DCUN1D4: variants seen among roughly 807,000 people sequenced by gnomAD.
DCUN1D4 encodes the protein DCN1-like protein 4.
In DCUN1D4, 22 loss-of-function variants were observed where a neutral mutation model predicts 47.9. The observed-to-expected ratio is 0.46, with a 90% confidence interval of 0.33 to 0.66. DCUN1D4 has a LOEUF of 0.66. Ranked by LOEUF, DCUN1D4 falls within the 30% of genes least tolerant of loss-of-function variation. DCUN1D4 has a pLI of 0.02. For missense variants in DCUN1D4, 301 were observed against 340.8 expected (o/e 0.88, Z 0.92); for synonymous variants, 121 against 112.2 (o/e 1.08, Z -0.50).
chr4:51,871,397 T>G (rs1285682718), intron 3 of DCUN1D4, among the ~76,000 whole-genome samples: 1 of 152,224 alleles, frequency 6.6e-6, no homozygotes, highest in South Asian at 2.1e-4. Flanking sequence ...AAACCAAACG[T>G]TGTACAGTGT....
chr4:51,862,619 T>C (rs1382619131), intron 1 of DCUN1D4, among the ~76,000 whole-genome samples: 1 of 152,208 alleles, frequency 6.6e-6, no homozygotes, highest in Non-Finnish European at 1.5e-5. Flanking sequence ...AATCCTGATA[T>C]TTTGTGAAAA....
intron 1 of DCUN1D4, among the ~76,000 whole-genome samples, chr4:51,855,836 T>A (rs1446013501): frequency 6.6e-6 from 1 of 152,200 alleles, no homozygotes; most frequent in Non-Finnish European, 1.5e-5. Flanking sequence ...CCCTAGTCTA[T>A]CTGAAACCCA....
chr4:51,840,364 T>C (rs903945483), upstream of DCUN1D4, among the ~76,000 whole-genome samples: 1 of 152,212 alleles, frequency 6.6e-6, no homozygotes, highest in Admixed American at 6.5e-5. Flanking sequence ...TTGTATTAGA[T>C]TGGCATAGTA....
intron 6 of DCUN1D4, among the ~76,000 whole-genome samples, chr4:51,887,865 TC>T (rs1429839997): frequency 6.6e-6 from 1 of 152,040 alleles, no homozygotes. Flanking sequence ...GGAATGTCTT[TC>T]ACTTATTACA....
rs1734057160 is a variant in DCUN1D4, at chr4:51,913,909, T to C, written c.*325T>C. On this transcript the variant is annotated 3_prime_UTR_variant, in exon 11 of 11. Transcript: ENST00000334635. ...TCACCTAGAGATTATTTCTGAAAAA[T>C]GTATTGTAAAAATAATTTTGTGGCA... 1.3e-5 allele frequency: 3 copies of C among 236,498 alleles called. No individual in the cohort carries two copies. Among genetic ancestry groups the C allele is most frequent in the Middle Eastern group, 2.9e-3 (2 of 698 alleles). 14.6% of individuals were successfully genotyped at this position (236,498 alleles called of 1,614,324 possible).
chr4:51,842,828 C>T (rs1721810318), upstream of DCUN1D4, among the ~76,000 whole-genome samples: 1 of 152,206 alleles, frequency 6.6e-6, no homozygotes, highest in South Asian at 2.1e-4. Context: ...TCCCGCCCGC[C>T]ACTGGGCGGG....
rs1261725022 is a variant in DCUN1D4 at position 51,916,021 on chromosome 4, T to C, written c.*2437T>C. 6.6e-6 allele frequency: 1 copy of C among 152,120 alleles called. No individual in the cohort carries two copies. The highest frequency in any genetic ancestry group is 1.5e-5 in the Non-Finnish European group (1 of 67,992). The allele number at this position is 152,120 out of a possible 1,614,324, so 9.4% of individuals were successfully genotyped here. On this transcript the variant is annotated 3_prime_UTR_variant, in exon 11 of 11. Coordinates refer to ENST00000334635, the MANE Select transcript of DCUN1D4 (RefSeq NM_001040402.3). Reference sequence around the variant, plus strand: ...AAAGGGGTCAGACAGAGTAATATGATACATTTTCTTAAAAACTTCTCTAAG... The same window carrying C: ...AAAGGGGTCAGACAGAGTAATATGACACATTTTCTTAAAAACTTCTCTAAG...
At chr4:51,835,994 T>G in the DCUN1D4 span, among the ~76,000 whole-genome samples, 1 of 152,090 alleles carries the variant, frequency 6.6e-6, no homozygotes, top group East Asian at 1.9e-4. Context: ...AGCCTGAAAC[T>G]GTTCACTTAA....
chr4:51,861,709 C>T (rs1346613741), intron 1 of DCUN1D4, among the ~76,000 whole-genome samples: 1 of 151,932 alleles, frequency 6.6e-6, no homozygotes, highest in South Asian at 2.1e-4. Flanking sequence ...TTTGGGGGCC[C>T]AAGAGTTTAA....
chr4:51,876,978 C>T (rs2073734358), intron 4 of DCUN1D4, among the ~76,000 whole-genome samples: 1 of 152,022 alleles, frequency 6.6e-6, no homozygotes, highest in African/African-American at 2.4e-5. Flanking sequence ...AAAGCTATTG[C>T]CTCCTCTTCC....
chr4:51,846,010 G>A (rs1180662305), intron 1 of DCUN1D4, among the ~76,000 whole-genome samples: 3 of 152,164 alleles, frequency 2.0e-5, no homozygotes, highest in South Asian at 2.1e-4. Context: ...AAAGTGATGA[G>A]GTTGAAAAAC....
At chr4:51,895,700 T>C (rs1018867741) in intron 7 of DCUN1D4, among the ~76,000 whole-genome samples, 2 of 152,008 alleles carry the variant, frequency 1.3e-5, no homozygotes, top group African/African-American at 4.8e-5. Flanking sequence ...TCTGATTTTA[T>C]AAACTTCGAT....
the DCUN1D4 span, among the ~76,000 whole-genome samples, chr4:51,835,075 A>G: frequency 6.2e-5 from 9 of 145,840 alleles, no homozygotes; most frequent in African/African-American, 2.2e-4. Flanking sequence ...TGATGCTAGG[A>G]AAAAAAGCAC....
At position 51,891,749 on chromosome 4, in the gene DCUN1D4, T is replaced by A. The variant is rs1245809262; in HGVS notation, c.415-11T>A. 5 of 1,590,672 alleles carry A rather than the reference T, an allele frequency of 3.1e-6. No homozygotes were observed. The African/African-American group carries it at 6.8e-5, about 22-fold the overall frequency. On this transcript the variant is annotated splice_polypyrimidine_tract_variant and intron_variant, in intron 6 of 10. Transcript: ENST00000334635. Reference sequence around the variant, plus strand: ...TATATTTTTTTTTAATTGTGTATTTTTTTTTAACAGGTAGTTATGCTTGTC... The same window carrying A: ...TATATTTTTTTTTAATTGTGTATTTATTTTTAACAGGTAGTTATGCTTGTC...
rs769864390 is a variant in DCUN1D4, at chr4:51,905,641, A to T, written c.616-5429A>T. Among the ~76,000 whole-genome samples, 4 of 152,192 alleles carry T rather than the reference A, an allele frequency of 2.6e-5. No individual in the cohort carries two copies. In the South Asian group the frequency reaches 8.3e-4, roughly 32 times the overall value. ...TAAAATGCTATATAATTTTTCATTG[A>T]TCTGAGACTAGTTATAAATATCAGT... On this transcript the variant is annotated intron_variant, in intron 8 of 10. Coordinates refer to ENST00000334635, the MANE Select transcript of DCUN1D4 (RefSeq NM_001040402.3).
intron 1 of DCUN1D4, among the ~76,000 whole-genome samples, chr4:51,851,712 A>G (rs1723401034): frequency 6.6e-6 from 1 of 152,144 alleles, no homozygotes; most frequent in South Asian, 2.1e-4. Context: ...ACTAACACGA[A>G]TTCAGTGATG....
At chr4:51,857,563 A>T (rs1245632552) in intron 1 of DCUN1D4, among the ~76,000 whole-genome samples, 1 of 152,154 alleles carries the variant, frequency 6.6e-6, no homozygotes, top group Non-Finnish European at 1.5e-5. Flanking sequence ...GCACAGCTTG[A>T]TGTGGGGATT....
At position 51,916,580 on chromosome 4, in the gene DCUN1D4, C is replaced by T. The variant is rs899725398; in HGVS notation, c.*2996C>T. Reference sequence around the variant, plus strand: ...TGGGTGTCTGTAAATGAGACCAAAACGTGGGTTGCTTTTTTCATAAAATAA... The same window carrying T: ...TGGGTGTCTGTAAATGAGACCAAAATGTGGGTTGCTTTTTTCATAAAATAA... On this transcript the variant is annotated 3_prime_UTR_variant, in exon 11 of 11. Coordinates refer to ENST00000334635, the MANE Select transcript of DCUN1D4 (RefSeq NM_001040402.3). 1.2e-4 allele frequency: 19 copies of T among 152,478 alleles called. No individual in the cohort carries two copies. Among genetic ancestry groups the T allele is most frequent in the African/African-American group, 4.3e-4 (18 of 41,414 alleles). The allele number at this position is 152,478 out of a possible 1,614,324, so 9.4% of individuals were successfully genotyped here.
At chr4:51,842,350 A>T (rs2040363843), upstream of DCUN1D4, among the ~76,000 whole-genome samples, 1 of 152,182 alleles carries the variant, frequency 6.6e-6, no homozygotes, top group South Asian at 2.1e-4. Context: ...GATGTGTGTG[A>T]CGGACAATGC....
Sources: gnomAD v4.1 joint callset for allele counts (sites outside exome capture counted in the v4.1 genomes callset) on GRCh38, gnomAD v4.1.1 for gene constraint, MANE v1.5 for transcripts, NCBI Gene and HGNC (gene_info 2026-07-23, HGNC 2026-07-21) for gene names.